The following DENND4B variants were observed in gnomAD, a reference collection of about 807,000 sequenced individuals.
DENND4B encodes the protein DENN domain-containing protein 4B.
In DENND4B, 67 loss-of-function variants were observed where a neutral mutation model predicts 161.0. The ratio of observed to expected loss-of-function variants is 0.42; its 90% CI spans 0.34 to 0.51. The LOEUF (loss-of-function observed/expected upper bound fraction) is 0.51, where lower values mean the gene tolerates loss of function less well. Ranked by LOEUF, DENND4B falls within the 20% of genes least tolerant of loss-of-function variation. The pLI is 0.08. For missense variants in DENND4B, 1,481 were observed against 1,968.0 expected, an observed-to-expected ratio of 0.75 and a Z score of 4.68; for synonymous variants, 753 against 813.8, an observed-to-expected ratio of 0.93 and a Z score of 1.27.
rs895760246 is a variant in DENND4B, at chr1:153,946,394, C to A, written c.-117G>T. The A allele has an allele frequency of 2.6e-6, 1 of 383,808 alleles. No homozygotes were observed. The highest frequency in any genetic ancestry group is 4.6e-6 in the Non-Finnish European group (1 of 216,410). The allele number at this position is 383,808 out of a possible 1,614,324, so 23.8% of individuals were successfully genotyped here. On this transcript the variant is annotated 5_prime_UTR_variant, in exon 1 of 28. An upstream start codon of the reference 5' UTR is lost. Coordinates refer to ENST00000361217, the MANE Select transcript of DENND4B (RefSeq NM_014856.3). This position sits in a 1 kb window ranked among gnomAD's most constrained non-coding sequence, Gnocchi z 6.3. ...GGCGGCGGGGCTACCCGGCCCCAGA[C>A]ATGGCGCACCCGACTTGGGCGCCGC...
In DENND4B at chr1:153,940,158, T is replaced by C. The variant is rs377626662; in HGVS notation, c.1601A>G (p.Gln534Arg). 2.4e-5 allele frequency: 38 copies of C among 1,567,708 alleles called. No individual in the cohort carries two copies. The African/African-American group carries it at 4.9e-4, about 20-fold the overall frequency. ...TLTNLYQQLD[Q>R]TYTGPEEEAS... The stretch of plus-strand genomic sequence containing the variant: ...CCCTCCCCACCCAGGCTTCTCACTC[T>C]GGTCCAGCTGCTGGTACAGGTTTGT... Residue 534 changes from glutamine (Q) to arginine (R), a missense_variant and splice_region_variant, in exon 11 of 28, where the codon CAG becomes CGG. By Grantham distance (43) the Gln-to-Arg change is conservative. Transcript: ENST00000361217. This position sits in a 1 kb window ranked among gnomAD's most constrained non-coding sequence, Gnocchi z 5.6.
Position 153,932,430 on chromosome 1 carries a change from C to T in DENND4B, c.3770G>A (p.Arg1257Gln), listed in dbSNP as rs1367972340. The T allele has an allele frequency of 1.8e-5, 29 of 1,608,530 alleles. No homozygotes were observed. The highest frequency in any genetic ancestry group is 2.4e-5 in the Non-Finnish European group (28 of 1,177,552). Residue 1257 changes from arginine (R) to glutamine (Q), a missense_variant, in exon 24 of 28, where the codon CGG becomes CAG. By Grantham distance (43) the Arg-to-Gln change is conservative (BLOSUM62 1). Around this residue, in one of 3 missense-constraint regions of DENND4B, gnomAD observed 336 missense variants for 503.3 expected, o/e 0.67. Coordinates refer to ENST00000361217, the MANE Select transcript of DENND4B (RefSeq NM_014856.3). This position sits in a 1 kb window ranked among gnomAD's most constrained non-coding sequence, Gnocchi z 5.8. ...TGCCCATGCCCCACTCTCAACCCGCCGGGAGGCTCCCTATCAGGCACAAAG... is the reference window on the plus strand; with the variant it reads ...TGCCCATGCCCCACTCTCAACCCGCTGGGAGGCTCCCTATCAGGCACAAAG... The part of the protein sequence containing the change: ...LCNGHMGGAS[R>Q]RVESGAWAYL...
Position 153,932,403 on chromosome 1 carries a change from T to A in DENND4B, c.3797A>T (p.Tyr1266Phe). Residue 1266 changes from tyrosine to phenylalanine, a missense_variant, in exon 24 of 28, where the codon TAC (tyrosine) becomes TTC (phenylalanine). By Grantham distance (22) the Tyr-to-Phe change is conservative (BLOSUM62 3). Around this residue, in one of 3 missense-constraint regions of DENND4B, gnomAD observed 336 missense variants for 503.3 expected, o/e 0.67. Transcript: ENST00000361217. The surrounding 1 kb of genome is among the most constrained non-coding windows in gnomAD (Gnocchi z 5.8). Reference sequence around the variant, plus strand: ...CTTACGCAGCACCAGGGGGCTCAGGTATGCCCATGCCCCACTCTCAACCCG... The same window carrying A: ...CTTACGCAGCACCAGGGGGCTCAGGAATGCCCATGCCCCACTCTCAACCCG... Reference protein sequence around the residue: ...SRRVESGAWAYLSPLVLRKEL... With the variant: ...SRRVESGAWAFLSPLVLRKEL... The A allele has an allele frequency of 1.2e-6, 2 of 1,613,052 alleles. No individual in the cohort carries two copies. The highest frequency in any genetic ancestry group is 1.7e-6 in the Non-Finnish European group (2 of 1,179,524).
At position 153,933,668 on chromosome 1, in the gene DENND4B, C is replaced by T; in HGVS notation, c.3145G>A (p.Glu1049Lys). 6.4e-7 allele frequency: 1 copy of T among 1,570,904 alleles called. No individual in the cohort carries two copies. Among genetic ancestry groups the T allele is most frequent in the Non-Finnish European group, 8.6e-7 (1 of 1,159,528 alleles). ...RGPKAGGRQD[E>K]AGTPRRGLGA... ...AGCCCTCGTCGGGGGGTGCCTGCCTCATCCTGTCGCCCACCAGCCTTGGGT... is the reference window on the plus strand; with the variant it reads ...AGCCCTCGTCGGGGGGTGCCTGCCTTATCCTGTCGCCCACCAGCCTTGGGT... Residue 1049 changes from glutamate (E) to lysine (K), a missense_variant, in exon 20 of 28, where the codon GAG (glutamate) becomes AAG (lysine). Glu to Lys is a moderately conservative substitution (Grantham distance 56). This residue lies in a region of DENND4B where 339 missense variants were observed against 330.3 expected (regional missense o/e 1.03). Transcript: ENST00000361217. This position sits in a 1 kb window ranked among gnomAD's most constrained non-coding sequence, Gnocchi z 5.7.
rs2102087903 is a variant in DENND4B, at chr1:153,946,589, C to G, written c.-312G>C. On this transcript the variant is annotated 5_prime_UTR_variant, in exon 1 of 28. Transcript: ENST00000361217. This position sits in a 1 kb window ranked among gnomAD's most constrained non-coding sequence, Gnocchi z 6.3. ...GGCTCGGTCCTCCCAGCTCCCGCGGCGCCGGGGACCCAGCGTTCCTCCGCG... is the reference window on the plus strand; with the variant it reads ...GGCTCGGTCCTCCCAGCTCCCGCGGGGCCGGGGACCCAGCGTTCCTCCGCG... 2.6e-6 allele frequency: 1 copy of G among 387,998 alleles called. No homozygotes were observed. 24.0% of individuals were successfully genotyped at this position (387,998 alleles called of 1,614,324 possible). A position where few individuals can be genotyped will look rare whatever the true frequency, so the allele number is the denominator to read the frequency against.
In DENND4B at chr1:153,940,851, A is replaced by G; in HGVS notation, c.1326+53T>C. 2 of 1,526,932 alleles carry G rather than the reference A, an allele frequency of 1.3e-6. No individual in the cohort carries two copies. Among genetic ancestry groups the G allele is most frequent in the Admixed American group, 2.2e-5 (1 of 44,562 alleles). 94.6% of individuals were successfully genotyped at this position (1,526,932 alleles called of 1,614,324 possible). On this transcript the variant is annotated intron_variant, in intron 9 of 27. Transcript: ENST00000361217. This position sits in a 1 kb window ranked among gnomAD's most constrained non-coding sequence, Gnocchi z 5.6. ...GAAGAGTCCAGGCAGGGATAGGGGC[A>G]CCAGAAAGAACCATGGTTCTGGGGA...
In DENND4B at chr1:153,941,223, T is replaced by G. The variant is rs1110165; in HGVS notation, c.1181+8A>C. On this transcript the variant is annotated splice_region_variant and intron_variant, in intron 8 of 27. Transcript: ENST00000361217. ...TAAAGCTCCCCTCCCCACAATCTGA[T>G]CACATACCTGAGGGGCAGGGGTGAG... is the stretch of plus-strand genomic sequence containing the variant. 491,254 of 1,612,988 alleles carry G rather than the reference T, an allele frequency of 0.3. 76,611 individuals carry two copies. Among genetic ancestry groups the G allele is most frequent in the Admixed American group, 0.42 (24,996 of 59,870 alleles).
chr1:153,942,248 T>C lies in DENND4B; in HGVS notation c.749A>G (p.Gln250Arg). Reference sequence around the variant, plus strand: ...GAAGACGGGCACGGGGTACTTGGTCTGGGCAGGCCAGCACTCGATAGTGGC... The same window carrying C: ...GAAGACGGGCACGGGGTACTTGGTCCGGGCAGGCCAGCACTCGATAGTGGC... ...MGATIECWPA[Q>R]TKYPVPVFST... The change falls in exon 5 of 28, where the codon CAG (glutamine) becomes CGG (arginine). Residue 250 changes from glutamine to arginine, a missense_variant. Transcript: ENST00000361217. The surrounding 1 kb of genome is among the most constrained non-coding windows in gnomAD (Gnocchi z 6.9). 2 of 1,613,724 alleles carry C rather than the reference T, an allele frequency of 1.2e-6. No individual in the cohort carries two copies. Among genetic ancestry groups the C allele is most frequent in the Non-Finnish European group, 1.7e-6 (2 of 1,179,808 alleles).
At chr1:153,931,561 G>A (rs1466558847) in intron 24 of DENND4B, among the ~76,000 whole-genome samples, 11 of 150,140 alleles carry the variant, frequency 7.3e-5, no homozygotes, top group Non-Finnish European at 1.0e-4. Context: ...GCAGTGGCGC[G>A]ATCTCAGCTC....
In DENND4B at chr1:153,942,762, C is replaced by A; in HGVS notation, c.570+116G>T. 6.8e-7 allele frequency: 1 copy of A among 1,472,146 alleles called. No homozygotes were observed. The highest frequency in any genetic ancestry group is 1.4e-5 in the South Asian group (1 of 70,956). 91.2% of individuals were successfully genotyped at this position (1,472,146 alleles called of 1,614,324 possible). A position where few individuals can be genotyped will look rare whatever the true frequency, so the allele number is the denominator to read the frequency against. On this transcript the variant is annotated intron_variant, in intron 3 of 27. Transcript: ENST00000361217. The surrounding 1 kb of genome is among the most constrained non-coding windows in gnomAD (Gnocchi z 6.9). ...TCCCAGTGCCCCAAGACCAGAGTTACCCCTCTGGACTCACCCCTGTGGTCA... is the reference window on the plus strand; with the variant it reads ...TCCCAGTGCCCCAAGACCAGAGTTAACCCTCTGGACTCACCCCTGTGGTCA...
Position 153,946,014 on chromosome 1 carries a change from C to A in DENND4B, c.-24+287G>T, listed in dbSNP as rs1459858664. On this transcript the variant is annotated intron_variant, in intron 1 of 27. Transcript: ENST00000361217. This position sits in a 1 kb window ranked among gnomAD's most constrained non-coding sequence, Gnocchi z 6.3. ...GCAGAGAAGCAGGCGCGCCGGCGGC[C>A]GAGGACGTGACGGCAGCAGCGCCGG... Among the ~76,000 whole-genome samples the A allele has an allele frequency of 6.6e-6, 1 of 152,144 alleles. No individual in the cohort carries two copies. The highest frequency in any genetic ancestry group is 1.5e-5 in the Non-Finnish European group (1 of 68,002).
chr1:153,940,923 A>C lies in DENND4B; in HGVS notation c.1307T>G (p.Val436Gly). Residue 436 changes from valine (V) to glycine (G), a missense_variant, in exon 9 of 28, where the codon GTC becomes GGC. Around this residue, in one of 3 missense-constraint regions of DENND4B, gnomAD observed 806 missense variants for 1,134.4 expected, o/e 0.71. Transcript: ENST00000361217. The surrounding 1 kb of genome is among the most constrained non-coding windows in gnomAD (Gnocchi z 5.6). ...HSLRPDLLTS[V>G]CEALVSMIFP... ...ACTCACCGAGACGAGGGCCTCACAG[A>C]CGCTGGTGAGCAGGTCTGGCCGCAG... The C allele has an allele frequency of 6.3e-7, 1 of 1,582,252 alleles. No individual in the cohort carries two copies. The highest frequency in any genetic ancestry group is 1.4e-5 in the African/African-American group (1 of 73,040).
At position 153,937,899 on chromosome 1, in the gene DENND4B, G is replaced by C; in HGVS notation, c.1966-36C>G. 1 of 1,613,588 alleles carries C rather than the reference G, an allele frequency of 6.2e-7. No homozygotes were observed. The highest frequency in any genetic ancestry group is 8.5e-7 in the Non-Finnish European group (1 of 1,179,742). On this transcript the variant is annotated intron_variant, in intron 13 of 27. Transcript: ENST00000361217. This position sits in a 1 kb window ranked among gnomAD's most constrained non-coding sequence, Gnocchi z 4.7. ...ATTTTAAGAGAGCAAGTGTTGAGAT[G>C]GTGGGCATGGAGCAGAGCCAGGGTG...
At position 153,942,769 on chromosome 1, in the gene DENND4B, G is replaced by A; in HGVS notation, c.570+109C>T. On this transcript the variant is annotated intron_variant, in intron 3 of 27. Coordinates refer to ENST00000361217, the MANE Select transcript of DENND4B (RefSeq NM_014856.3). This position sits in a 1 kb window ranked among gnomAD's most constrained non-coding sequence, Gnocchi z 6.9. Reference sequence around the variant, plus strand: ...GCCCCAAGACCAGAGTTACCCCTCTGGACTCACCCCTGTGGTCAGAGCCTT... The same window carrying A: ...GCCCCAAGACCAGAGTTACCCCTCTAGACTCACCCCTGTGGTCAGAGCCTT... The A allele has an allele frequency of 3.4e-6, 5 of 1,489,798 alleles. No individual in the cohort carries two copies. Among genetic ancestry groups the A allele is most frequent in the Non-Finnish European group, 4.5e-6 (5 of 1,116,790 alleles). The allele number at this position is 1,489,798 out of a possible 1,614,324, so 92.3% of individuals were successfully genotyped here. A position where few individuals can be genotyped will look rare whatever the true frequency, so the allele number is the denominator to read the frequency against.
At position 153,936,493 on chromosome 1, in the gene DENND4B, A is replaced by C; in HGVS notation, c.2439+49T>G. ...CCCTCTCACAGCCCTCTCCAGCTGC[A>C]CAAGGCTCACTGGGCCTGGGTATGA... On this transcript the variant is annotated intron_variant, in intron 16 of 27. Transcript: ENST00000361217. This position sits in a 1 kb window ranked among gnomAD's most constrained non-coding sequence, Gnocchi z 4.1. 6.7e-7 allele frequency: 1 copy of C among 1,499,674 alleles called. No homozygotes were observed. The highest frequency in any genetic ancestry group is 9.0e-7 in the Non-Finnish European group (1 of 1,115,596). 92.9% of individuals were successfully genotyped at this position (1,499,674 alleles called of 1,614,324 possible).
rs1390489319 is a variant in DENND4B at position 153,929,562 on chromosome 1, CT to C, written c.*734del. 1 of 152,132 alleles carries C rather than the reference CT, an allele frequency of 6.6e-6. No individual in the cohort carries two copies. Among genetic ancestry groups the C allele is most frequent in the East Asian group, 1.9e-4 (1 of 5,204 alleles). The allele number at this position is 152,132 out of a possible 1,614,324, so 9.4% of individuals were successfully genotyped here. On this transcript the variant is annotated 3_prime_UTR_variant, in exon 28 of 28. Coordinates refer to ENST00000361217, the MANE Select transcript of DENND4B (RefSeq NM_014856.3). ...CAACAAAACTTCGCAGGGAACAATCCTTATTGCACAGGTCAGGACCTGGGTG... is the reference window on the plus strand; with the variant it reads ...CAACAAAACTTCGCAGGGAACAATCCTATTGCACAGGTCAGGACCTGGGTG...
At chr1:153,945,159 G>A in intron 1 of DENND4B, 2 of 1,289,538 alleles carry the variant, frequency 1.6e-6, no homozygotes, top group Non-Finnish European at 2.0e-6. Flanking sequence ...CAACCCCGGG[G>A]AGTAGGAGCC....
Position 153,942,898 on chromosome 1 carries a change from G to C in DENND4B, c.550C>G (p.Arg184Gly). The C allele has an allele frequency of 1.2e-6, 2 of 1,601,314 alleles. No homozygotes were observed. The highest frequency in any genetic ancestry group is 1.7e-6 in the Non-Finnish European group (2 of 1,170,192). ...CTCACCATGCCAGGGTTGAGGTTGC[G>C]GGGCAGCCGGCAGTAAGTATGAGGA... ...GTPHTYCRLP[R>G]NLNPGMWGPA... Residue 184 changes from arginine (R) to glycine (G), a missense_variant, in exon 3 of 28, where the codon CGC becomes GGC. Transcript: ENST00000361217. The surrounding 1 kb of genome is among the most constrained non-coding windows in gnomAD (Gnocchi z 6.9).
chr1:153,936,521 A>G lies in DENND4B; in HGVS notation c.2439+21T>C. 1 of 1,557,504 alleles carries G rather than the reference A, an allele frequency of 6.4e-7. No individual in the cohort carries two copies. Among genetic ancestry groups the G allele is most frequent in the South Asian group, 1.2e-5 (1 of 83,960 alleles). On this transcript the variant is annotated intron_variant, in intron 16 of 27. Coordinates refer to ENST00000361217, the MANE Select transcript of DENND4B (RefSeq NM_014856.3). The surrounding 1 kb of genome is among the most constrained non-coding windows in gnomAD (Gnocchi z 4.1). ...AGGCTCACTGGGCCTGGGTATGAGC[A>G]TGGTCACATAGATTGCCTACCTCAT... is the stretch of plus-strand genomic sequence containing the variant.
Sources: gnomAD v4.1 joint callset for allele counts (sites outside exome capture counted in the v4.1 genomes callset) on GRCh38, gnomAD v4.1.1 for gene constraint, gnomAD v4.1.1 regional missense constraint, Gnocchi (gnomAD v3.1) non-coding constraint, MANE v1.5 for transcripts, NCBI Gene and HGNC (gene_info 2026-07-23, HGNC 2026-07-21) for gene names.